The following FNIP1 variants were observed in gnomAD, a reference collection of about 807,000 sequenced individuals.
FNIP1 encodes the protein folliculin-interacting protein 1.
Under a neutral mutation model 124.5 loss-of-function variants are expected in FNIP1, and 40 were observed. The observed-to-expected ratio is 0.32, with a 90% CI of 0.25 to 0.42. The LOEUF (loss-of-function observed/expected upper bound fraction) is 0.42. Among genes scored for constraint, FNIP1 ranks in the 10% least tolerant of loss-of-function variants. The probability of loss-of-function intolerance (pLI) is 1.00; values close to 1 mark genes in which losing one functional copy is unlikely to be tolerated. For missense variants in FNIP1, 1,176 were observed against 1,403.7 expected (o/e 0.84, Z 2.59); for synonymous variants, 472 against 470.6 (o/e 1.00, Z -0.04).
chr5:131,683,615 T>C (rs1768166474), intron 11 of FNIP1, among the ~76,000 whole-genome samples: 1 of 151,486 alleles, frequency 6.6e-6, no homozygotes, highest in Non-Finnish European at 1.5e-5. Flanking sequence ...GTGTAAATAC[T>C]ATGTTAATAA....
chr5:131,734,324 C>T (rs1412329792), intron 2 of FNIP1, among the ~76,000 whole-genome samples: 2 of 152,124 alleles, frequency 1.3e-5, no homozygotes, highest in Non-Finnish European at 1.5e-5. Flanking sequence ...TCTCTATCTC[C>T]TTCAGTTCTG....
intron 11 of FNIP1, among the ~76,000 whole-genome samples, chr5:131,692,153 A>G (rs1768501977): frequency 6.6e-6 from 1 of 152,204 alleles, no homozygotes; most frequent in Non-Finnish European, 1.5e-5. Context: ...CAAAGAATCA[A>G]TCGAAAGAAA....
Position 131,671,770 on chromosome 5 carries a change from G to A in FNIP1, c.2674C>T (p.Pro892Ser). ...AAGCAGGTTTTACATGAATCTTGGG[G>A]AACTGTTTCTATACATTTACAAAAT... is the stretch of plus-strand genomic sequence containing the variant. ...NEFCKCIETVPQDSCKTCFPQ... is the reference protein window; with the variant it reads ...NEFCKCIETVSQDSCKTCFPQ... Residue 892 changes from proline (P) to serine (S), a missense_variant, in exon 14 of 18, where the codon CCC becomes TCC. Around this residue, in one of 2 missense-constraint regions of FNIP1, gnomAD observed 1,109 missense variants for 1,288.5 expected, o/e 0.86. Coordinates refer to ENST00000510461, the MANE Select transcript of FNIP1 (RefSeq NM_133372.3). The A allele has an allele frequency of 6.2e-7, 1 of 1,614,048 alleles. No individual in the cohort carries two copies. Among genetic ancestry groups the A allele is most frequent in the Non-Finnish European group, 8.5e-7 (1 of 1,180,002 alleles).
chr5:131,756,426 G>A (rs966189732), intron 1 of FNIP1, among the ~76,000 whole-genome samples: 2 of 152,060 alleles, frequency 1.3e-5, no homozygotes, highest in African/African-American at 2.4e-5. Context: ...GGAAAAACGT[G>A]TATGTGTATG....
At chr5:131,774,177 C>T (rs1771730019) in intron 1 of FNIP1, among the ~76,000 whole-genome samples, 1 of 152,130 alleles carries the variant, frequency 6.6e-6, no homozygotes, top group African/African-American at 2.4e-5. Context: ...CATATGAGTG[C>T]CACCATGTCC....
Position 131,794,858 on chromosome 5 carries a change from C to T in FNIP1, c.92+1972G>A, listed in dbSNP as rs549744518. ...TGACAGAAAGTATCAGTGACTGCCACGGGTGAGGAGGAGTTAGGCTACAAC... is the reference window on the plus strand; with the variant it reads ...TGACAGAAAGTATCAGTGACTGCCATGGGTGAGGAGGAGTTAGGCTACAAC... On this transcript the variant is annotated intron_variant, in intron 1 of 17. Coordinates refer to ENST00000510461, the MANE Select transcript of FNIP1 (RefSeq NM_133372.3). Among the ~76,000 whole-genome samples, 39 of 152,254 alleles carry T rather than the reference C, an allele frequency of 2.6e-4. 1 individual carries two copies. In the South Asian group the frequency reaches 7.3e-3, roughly 28 times the overall value.
intron 2 of FNIP1, among the ~76,000 whole-genome samples, chr5:131,743,579 GTC>G (rs1450056944): frequency 1.3e-5 from 2 of 152,162 alleles, no homozygotes; most frequent in East Asian, 3.9e-4. Flanking sequence ...CTGAATGTGT[GTC>G]TCTCCTCAAA....
intron 1 of FNIP1, among the ~76,000 whole-genome samples, chr5:131,766,875 T>C (rs1771442411): frequency 1.3e-5 from 2 of 152,184 alleles, no homozygotes; most frequent in Non-Finnish European, 2.9e-5. Flanking sequence ...CCATTTCCTC[T>C]GCCTTTTTTT....
At chr5:131,722,725 G>C (rs567937373) in intron 3 of FNIP1, among the ~76,000 whole-genome samples, 2 of 152,070 alleles carry the variant, frequency 1.3e-5, no homozygotes, top group South Asian at 4.1e-4. Flanking sequence ...TGCTCTTGTC[G>C]CCCAGGCTGG....
intron 1 of FNIP1, among the ~76,000 whole-genome samples, chr5:131,764,386 C>A (rs1257522747): frequency 6.6e-6 from 1 of 150,396 alleles, no homozygotes; most frequent in Middle Eastern, 3.2e-3. Context: ...TGGCTCACTG[C>A]AACCTCGACC....
chr5:131,712,185 C>T (rs1769314622), intron 6 of FNIP1, among the ~76,000 whole-genome samples: 2 of 151,730 alleles, frequency 1.3e-5, no homozygotes, highest in African/African-American at 4.8e-5. Context: ...TCCTAAGTTC[C>T]TTCCTCCCTT....
At position 131,716,606 on chromosome 5, in the gene FNIP1, G is replaced by C. The variant is rs774532465; in HGVS notation, c.581C>G (p.Ala194Gly). The change falls in exon 6 of 18, where the codon GCT (alanine) becomes GGT (glycine). Residue 194 changes from alanine (A) to glycine (G), a missense_variant. Around this residue, in one of 2 missense-constraint regions of FNIP1, gnomAD observed 1,109 missense variants for 1,288.5 expected, o/e 0.86. Transcript: ENST00000510461. ...FINQDNNTLK[A>G]DNNTVINGLL... ...TCCATTAATAACTGTGTTATTATCA[G>C]CCTTTAATGTATTGTTGTCCTGATT... 8 of 1,606,896 alleles carry C rather than the reference G, an allele frequency of 5.0e-6. No homozygotes were observed. In the East Asian group the frequency reaches 1.8e-4, roughly 36 times the overall value.
At chr5:131,783,068 T>C (rs1337888756) in intron 1 of FNIP1, among the ~76,000 whole-genome samples, 4 of 152,260 alleles carry the variant, frequency 2.6e-5, no homozygotes, top group Non-Finnish European at 4.4e-5. Flanking sequence ...GTAACTTTTA[T>C]ATGCACTAGG....
At chr5:131,650,156 A>G (rs1219834568) in intron 16 of FNIP1, among the ~76,000 whole-genome samples, 3 of 152,160 alleles carry the variant, frequency 2.0e-5, no homozygotes, top group South Asian at 4.1e-4. Flanking sequence ...TCTGCAAAAA[A>G]TATCAATTGG....
chr5:131,795,338 A>G (rs892902802), intron 1 of FNIP1, among the ~76,000 whole-genome samples: 1 of 152,186 alleles, frequency 6.6e-6, no homozygotes, highest in Non-Finnish European at 1.5e-5. Context: ...TTACGCAACT[A>G]TGTAGTAGAC....
chr5:131,673,574 G>A (rs1319038247), intron 13 of FNIP1, among the ~76,000 whole-genome samples: 2 of 152,188 alleles, frequency 1.3e-5, no homozygotes, highest in Non-Finnish European at 2.9e-5. Flanking sequence ...TACCTTGTTA[G>A]AGAAGTACTG....
intron 11 of FNIP1, among the ~76,000 whole-genome samples, chr5:131,681,673 T>C (rs867723756): frequency 9.8e-6 from 1 of 102,342 alleles, no homozygotes; most frequent in Non-Finnish European, 2.1e-5. Flanking sequence ...GAAAAAAGCA[T>C]AGAAGGGATA....
intron 6 of FNIP1, among the ~76,000 whole-genome samples, chr5:131,714,962 A>T (rs1769417161): frequency 6.6e-6 from 1 of 152,180 alleles, no homozygotes; most frequent in African/African-American, 2.4e-5. Flanking sequence ...ATACTTATTG[A>T]TTGATTGACT....
intron 1 of FNIP1, among the ~76,000 whole-genome samples, chr5:131,751,152 T>C (rs189450224): frequency 2.0e-5 from 3 of 152,272 alleles, no homozygotes. Flanking sequence ...ATTATCATAC[T>C]GAGCTTCTCA....
Sources: allele counts gnomAD v4.1 joint callset (sites outside exome capture counted in the v4.1 genomes callset), GRCh38; gene constraint gnomAD v4.1.1; regional missense constraint gnomAD v4.1.1; transcripts MANE v1.5; gene names NCBI Gene and HGNC (gene_info 2026-07-23, HGNC 2026-07-21).